RBFOX1: variants seen among roughly 807,000 people sequenced by gnomAD.
RBFOX1 encodes RNA binding protein fox-1 homolog 1.
RBFOX1 carries 8 observed loss-of-function variants against 57.7 expected under a neutral mutation model. The observed-to-expected ratio is 0.14, with a 90% CI of 0.08 to 0.25. The LOEUF (loss-of-function observed/expected upper bound fraction) is 0.25, where lower values mean the gene tolerates loss of function less well. Among genes scored for constraint, RBFOX1 ranks in the 10% least tolerant of loss-of-function variants. The pLI is 1.00. For synonymous variants in RBFOX1, 326 were observed against 222.4 expected, an observed-to-expected ratio of 1.47 and a Z score of -4.15; for missense variants, 611 against 548.5, an observed-to-expected ratio of 1.11 and a Z score of -1.14.
chr16:6,383,476 C>G (rs2091992421), intron 2 of RBFOX1, among the ~76,000 whole-genome samples: 1 of 152,120 alleles, frequency 6.6e-6, no homozygotes, highest in South Asian at 2.1e-4. Flanking sequence ...CAAGCCCCTT[C>G]TAGAAAAACA....
chr16:7,175,580 C>T (rs1000539523), intron 4 of RBFOX1, among the ~76,000 whole-genome samples: 17 of 152,228 alleles, frequency 1.1e-4, no homozygotes, highest in Admixed American at 7.2e-4. Context: ...CAAAGGATCC[C>T]ATTTGTGCAT....
chr16:6,443,732 C>T (rs761185652), intron 2 of RBFOX1, among the ~76,000 whole-genome samples: 3 of 152,034 alleles, frequency 2.0e-5, no homozygotes, highest in Non-Finnish European at 2.9e-5. Flanking sequence ...TTTGTTCATC[C>T]AGCCATCTTT....
At chr16:7,037,975 G>A (rs1423068110) in intron 3 of RBFOX1, among the ~76,000 whole-genome samples, 1 of 152,038 alleles carries the variant, frequency 6.6e-6, no homozygotes, top group South Asian at 2.1e-4. Flanking sequence ...AATATCCAAT[G>A]AGAAAGAAAA....
chr16:7,159,160 C>G (rs928034846), intron 4 of RBFOX1, among the ~76,000 whole-genome samples: 1 of 152,086 alleles, frequency 6.6e-6, no homozygotes, highest in African/African-American at 2.4e-5. Flanking sequence ...GCATACTGCC[C>G]TGGAGATTGT....
intron 2 of RBFOX1, among the ~76,000 whole-genome samples, chr16:6,497,152 G>T (rs1174795076): frequency 6.6e-6 from 1 of 152,142 alleles, no homozygotes; most frequent in Non-Finnish European, 1.5e-5. Flanking sequence ...TGCTAACATG[G>T]AGTGGACTGG....
At chr16:6,799,828 A>T (rs1018008886) in intron 3 of RBFOX1, among the ~76,000 whole-genome samples, 3 of 152,064 alleles carry the variant, frequency 2.0e-5, no homozygotes, top group African/African-American at 4.8e-5. Context: ...TTAGCCACAG[A>T]CTGAAGGCTG....
At chr16:7,032,290 A>G (rs2153693341) in intron 3 of RBFOX1, among the ~76,000 whole-genome samples, 1 of 151,906 alleles carries the variant, frequency 6.6e-6, no homozygotes, top group Non-Finnish European at 1.5e-5. Context: ...AACAAAACAA[A>G]AAAATTTAGC....
intron 2 of RBFOX1, among the ~76,000 whole-genome samples, chr16:6,543,933 G>A (rs566013292): frequency 6.6e-6 from 1 of 152,176 alleles, no homozygotes; most frequent in Non-Finnish European, 1.5e-5. Context: ...GGAATAAAAA[G>A]TATAAGGGCA....
At chr16:7,585,236 C>T (rs775314016) in intron 6 of RBFOX1, among the ~76,000 whole-genome samples, 13 of 152,126 alleles carry the variant, frequency 8.5e-5, no homozygotes, top group Non-Finnish European at 1.6e-4. Flanking sequence ...CTATGAAATT[C>T]AGCTCACGTT....
At chr16:5,952,255 A>T (rs1057284827) in intron 4 of RBFOX1, among the ~76,000 whole-genome samples, 1 of 151,564 alleles carries the variant, frequency 6.6e-6, no homozygotes, top group Non-Finnish European at 1.5e-5. Flanking sequence ...GGTTCAAGCG[A>T]TTCTCCTGCC....
intron 3 of RBFOX1, among the ~76,000 whole-genome samples, chr16:7,044,214 T>C (rs547671640): frequency 1.4e-4 from 22 of 152,194 alleles, no homozygotes; most frequent in Non-Finnish European, 3.1e-4. Context: ...TGAGTAAATA[T>C]ATATGAAAGG....
At chr16:7,533,312 G>C (rs1567700879) in intron 5 of RBFOX1, among the ~76,000 whole-genome samples, 1 of 152,174 alleles carries the variant, frequency 6.6e-6, no homozygotes, top group African/African-American at 2.4e-5. Context: ...AAATGTGTTT[G>C]TGTAATGCCA....
intron 1 of RBFOX1, among the ~76,000 whole-genome samples, chr16:6,251,942 C>G (rs981745962): frequency 4.6e-5 from 7 of 152,074 alleles, no homozygotes; most frequent in African/African-American, 1.4e-4. Context: ...TGGTTCCGAA[C>G]TCATTATTTC....
intron 2 of RBFOX1, among the ~76,000 whole-genome samples, chr16:6,469,372 C>CTA (rs2095122861): frequency 6.6e-6 from 1 of 152,108 alleles, no homozygotes; most frequent in Non-Finnish European, 1.5e-5. Context: ...CAGTTGAAGC[C>CTA]TACCCTATCA....
chr16:6,265,039 G>A (rs1453462771), intron 1 of RBFOX1, among the ~76,000 whole-genome samples: 3 of 152,118 alleles, frequency 2.0e-5, no homozygotes, highest in African/African-American at 7.2e-5. Context: ...TATTGTGGGT[G>A]GGGCTGATGG....
intron 4 of RBFOX1, among the ~76,000 whole-genome samples, chr16:5,913,021 C>G (rs2058635788): frequency 6.6e-6 from 1 of 152,180 alleles, no homozygotes; most frequent in African/African-American, 2.4e-5. Context: ...AGACCCAAGT[C>G]TAAGTTCAGA....
At chr16:5,873,382 C>A (rs1313387203) in intron 4 of RBFOX1, among the ~76,000 whole-genome samples, 1 of 152,194 alleles carries the variant, frequency 6.6e-6, no homozygotes, top group African/African-American at 2.4e-5. Flanking sequence ...ATCAGCAGTA[C>A]TTTCCAATGA....
At chr16:6,939,749 T>A (rs915482562) in intron 3 of RBFOX1, among the ~76,000 whole-genome samples, 1 of 152,136 alleles carries the variant, frequency 6.6e-6, no homozygotes, top group African/African-American at 2.4e-5. Flanking sequence ...TGGCCTCAAA[T>A]GATCAGCCTG....
At chr16:5,824,541 G>A (rs781139577) in intron 3 of RBFOX1, among the ~76,000 whole-genome samples, 4 of 152,210 alleles carry the variant, frequency 2.6e-5, no homozygotes, top group African/African-American at 4.8e-5. Context: ...GGCTTTCTGG[G>A]GTGATTGACA....
Sources: allele counts gnomAD v4.1 joint callset (sites outside exome capture counted in the v4.1 genomes callset), GRCh38; gene constraint gnomAD v4.1.1; transcripts MANE v1.5; gene names NCBI Gene and HGNC (gene_info 2026-07-23, HGNC 2026-07-21).